Variants in FOCAD observed in about 807,000 individuals in gnomAD.
The protein encoded by FOCAD is KIAA1797.
A neutral mutation model predicts 225.6 loss-of-function variants in FOCAD; 198 were observed. That is an observed-to-expected ratio of 0.88 (90% confidence interval 0.78 to 0.99). The LOEUF is 0.99. Among genes scored for constraint, FOCAD ranks in the 50% least tolerant of loss-of-function variants. The probability of loss-of-function intolerance (pLI) is 0.00; values close to 1 mark genes in which losing one functional copy is unlikely to be tolerated. For synonymous variants in FOCAD, 897 were observed against 755.0 expected, an observed-to-expected ratio of 1.19 and a Z score of -3.08; for missense variants, 2,713 against 2,123.6, an observed-to-expected ratio of 1.28 and a Z score of -5.46.
chr9:20,734,428 A>G (rs1262572271), intron 4 of FOCAD, among the ~76,000 whole-genome samples: 1 of 152,230 alleles, frequency 6.6e-6, no homozygotes, highest in Non-Finnish European at 1.5e-5. Context: ...TTAGAATTGA[A>G]TATTCCGTTC....
chr9:20,656,305 A>G (rs1382078505), upstream of FOCAD, among the ~76,000 whole-genome samples: 3 of 151,072 alleles, frequency 2.0e-5, no homozygotes, highest in African/African-American at 7.3e-5. Context: ...GCTTGGTGCA[A>G]AGCTGAGTTC....
At chr9:20,844,743 T>G (rs1826909293) in intron 15 of FOCAD, among the ~76,000 whole-genome samples, 1 of 152,086 alleles carries the variant, frequency 6.6e-6, no homozygotes, top group South Asian at 2.1e-4. Flanking sequence ...CTTTGGGTAT[T>G]TAGAGGATTT....
chr9:20,824,935 A>G (rs1258141652), intron 15 of FOCAD, among the ~76,000 whole-genome samples: 3 of 152,086 alleles, frequency 2.0e-5, no homozygotes, highest in Non-Finnish European at 4.4e-5. Context: ...AGTGTTATAT[A>G]CCAGTTTTCT....
At chr9:20,966,623 C>T (rs1301417408) in intron 35 of FOCAD, among the ~76,000 whole-genome samples, 2 of 151,986 alleles carry the variant, frequency 1.3e-5, no homozygotes, top group Admixed American at 1.3e-4. Context: ...CCTGTGTTTT[C>T]TTCTAGGAGT....
At chr9:20,786,473 G>A (rs1243806408) in intron 10 of FOCAD, among the ~76,000 whole-genome samples, 2 of 152,028 alleles carry the variant, frequency 1.3e-5, no homozygotes, top group African/African-American at 4.8e-5. Flanking sequence ...CTCTCTTGAG[G>A]GTTTATGTAG....
chr9:20,669,882 G>T (rs1159931121), intron 2 of FOCAD, among the ~76,000 whole-genome samples: 3 of 152,240 alleles, frequency 2.0e-5, no homozygotes, highest in African/African-American at 7.2e-5. Flanking sequence ...AACTTTCTTA[G>T]TGTGGGTTCC....
At chr9:20,879,334 C>A (rs1023547067) in intron 19 of FOCAD, among the ~76,000 whole-genome samples, 2 of 152,108 alleles carry the variant, frequency 1.3e-5, no homozygotes, top group African/African-American at 2.4e-5. Flanking sequence ...GGATTTTAAC[C>A]TTTTGGGATT....
chr9:20,944,636 T>C lies in FOCAD; in HGVS notation c.3417T>C (p.Cys1139=). 6.2e-7 allele frequency: 1 copy of C among 1,613,344 alleles called. No homozygotes were observed. Among genetic ancestry groups the C allele is most frequent in the Non-Finnish European group, 8.5e-7 (1 of 1,179,514 alleles). The change falls in exon 29 of 44, where the codon TGT becomes TGC. Residue 1139 remains cysteine (C), a synonymous_variant. Transcript: ENST00000338382. ...FDTSLEYNTG[C]ILGVGLVLSL... is the part of the protein sequence containing the mutation. ...TTTTTTGGCTTCCAAGCACGGGCTGTATATTGGGAGTTGGACTTGTTCTGT... is the reference window on the plus strand; with the variant it reads ...TTTTTTGGCTTCCAAGCACGGGCTGCATATTGGGAGTTGGACTTGTTCTGT...
chr9:20,804,177 T>C (rs1822160583), intron 11 of FOCAD, among the ~76,000 whole-genome samples: 1 of 152,142 alleles, frequency 6.6e-6, no homozygotes. Context: ...AAATTCACTT[T>C]AGCTTAAGCT....
At chr9:20,834,392 CACACGT>C (rs1260965959) in intron 15 of FOCAD, among the ~76,000 whole-genome samples, 1 of 151,946 alleles carries the variant, frequency 6.6e-6, no homozygotes, top group African/African-American at 2.4e-5. Context: ...GCAAGCATCG[CACACGT>C]TTACTTACGT....
chr9:20,765,259 T>C (rs1338999002), intron 7 of FOCAD, among the ~76,000 whole-genome samples, 186 bp downstream of exon 7: 1 of 152,216 alleles, frequency 6.6e-6, no homozygotes, highest in Admixed American at 6.5e-5. Context: ...GAATATATTA[T>C]ATTCGATATT....
At chr9:20,887,237 TTCTC>T (rs751653266) in intron 21 of FOCAD, among the ~76,000 whole-genome samples, 9 of 151,946 alleles carry the variant, frequency 5.9e-5, no homozygotes, top group Non-Finnish European at 1.2e-4. Flanking sequence ...TCCTTTTTCT[TTCTC>T]TTTTTTTTTT....
intron 30 of FOCAD, among the ~76,000 whole-genome samples, chr9:20,947,160 C>T (rs75699451): frequency 2.6e-5 from 4 of 151,832 alleles, no homozygotes; most frequent in African/African-American, 7.3e-5. Flanking sequence ...AAATTTGTGA[C>T]GATATGAATA....
intron 35 of FOCAD, chr9:20,957,478 C>CTTTTCTTTTTTTTTTTTTT (rs1554741394): frequency 1.2e-5 from 1 of 81,480 alleles, no homozygotes; most frequent in South Asian, 4.2e-4. Flanking sequence ...CTTTTCTTTT[C>CTTTTCTTTTTTTTTTTTTT]TTTTTTTTTT....
intron 16 of FOCAD, 61 bp downstream of exon 16, chr9:20,862,773 A>T: frequency 6.5e-7 from 1 of 1,542,980 alleles, no homozygotes; most frequent in South Asian, 1.2e-5. Context: ...GTGTTATAAT[A>T]ACTTTTGGAA....
chr9:20,938,084 G>A lies in FOCAD; in HGVS notation c.3407+4981G>A, dbSNP rs544774579. Among the ~76,000 whole-genome samples, 20 of 151,930 alleles carry A rather than the reference G, an allele frequency of 1.3e-4. 1 individual carries two copies. In the East Asian group the frequency reaches 3.5e-3, roughly 26 times the overall value. On this transcript the variant is annotated intron_variant, in intron 28 of 43. Transcript: ENST00000338382. ...TCATTAAAAAGTCAGGAAACAACAGGTGCTAGAGAGGATGTGGAGAAATAG... is the reference window on the plus strand; with the variant it reads ...TCATTAAAAAGTCAGGAAACAACAGATGCTAGAGAGGATGTGGAGAAATAG...
Position 20,815,123 on chromosome 9 carries a change from G to GTGTTTTTTTTTTTTTTTTTTTTTTT in FOCAD, c.1456-4672_1456-4671insGTTTTTTTTTTTTTTTTTTTTTTTT, listed in dbSNP as rs1564024181. Among the ~76,000 whole-genome samples the GTGTTTTTTTTTTTTTTTTTTTTTTT allele has an allele frequency of 8.7e-4, 74 of 85,386 alleles. 18 individuals carry two copies. Among genetic ancestry groups the GTGTTTTTTTTTTTTTTTTTTTTTTT allele is most frequent in the Non-Finnish European group, 1.2e-3 (53 of 44,554 alleles). 56.0% of individuals were successfully genotyped at this position (85,386 alleles called of 152,430 possible). The stretch of plus-strand genomic sequence containing the variant: ...TCTGGAAATATCATTACTTCTCTTT[G>GTGTTTTTTTTTTTTTTTTTTTTTTT]TTTTTTTTTTTTTGTTTTTTTTTTT... On this transcript the variant is annotated intron_variant, in intron 11 of 43. Coordinates refer to ENST00000338382, the MANE Select transcript of FOCAD (RefSeq NM_001375567.1).
intron 11 of FOCAD, among the ~76,000 whole-genome samples, chr9:20,818,585 A>G (rs1015197990): frequency 9.9e-5 from 15 of 152,076 alleles, no homozygotes; most frequent in Non-Finnish European, 2.9e-5. Context: ...GCATGTGGAT[A>G]TACAGTTGTT....
Position 20,882,033 on chromosome 9 carries a change from C to T in FOCAD, c.2480C>T (p.Pro827Leu). 1.9e-6 allele frequency: 3 copies of T among 1,613,562 alleles called. No homozygotes were observed. Among genetic ancestry groups the T allele is most frequent in the Non-Finnish European group, 2.5e-6 (3 of 1,179,768 alleles). Residue 827 changes from proline (P) to leucine (L), a missense_variant, in exon 20 of 44, where the codon CCA becomes CTA. By Grantham distance (98) the Pro-to-Leu change is moderately conservative (BLOSUM62 -3). Transcript: ENST00000338382. ...AAAATGTATGAAACAAACAAGCAACCAGGACTGAAACCTGGCCTTGCAGGT... is the reference window on the plus strand; with the variant it reads ...AAAATGTATGAAACAAACAAGCAACTAGGACTGAAACCTGGCCTTGCAGGT... ...ILKMYETNKQ[P>L]GLKPGLAGGM...
Sources: gnomAD v4.1 joint callset for allele counts (sites outside exome capture counted in the v4.1 genomes callset) on GRCh38, gnomAD v4.1.1 for gene constraint, MANE v1.5 for transcripts, NCBI Gene and HGNC (gene_info 2026-07-23, HGNC 2026-07-21) for gene names.